Variants in EGFR observed in about 807,000 individuals in gnomAD.
The protein encoded by EGFR is avian erythroblastic leukemia viral (v-erb-b) oncogene homolog.
EGFR carries 58 observed loss-of-function variants against 143.0 expected under a neutral mutation model. That is an observed-to-expected ratio of 0.41 (90% CI 0.33 to 0.50). The LOEUF (loss-of-function observed/expected upper bound fraction) is 0.50, where lower values mean the gene tolerates loss of function less well. Among genes scored for constraint, EGFR ranks in the 20% least tolerant of loss-of-function variants. EGFR has a pLI of 0.39. For synonymous variants in EGFR, 613 were observed against 594.4 expected (o/e 1.03, Z -0.45); for missense variants, 1,307 against 1,579.0 (o/e 0.83, Z 2.92).
chr7:55,060,670 G>A (rs1403655377), intron 1 of EGFR, among the ~76,000 whole-genome samples: 1 of 152,280 alleles, frequency 6.6e-6, no homozygotes, highest in African/African-American at 2.4e-5. Flanking sequence ...AGCCATAGAT[G>A]GTTCTGGGCA....
intron 1 of EGFR, among the ~76,000 whole-genome samples, chr7:55,054,226 G>A (rs577305944): frequency 3.6e-4 from 55 of 152,314 alleles, no homozygotes; most frequent in Middle Eastern, 3.4e-3. Flanking sequence ...CTGATCTCCT[G>A]ACTGTCATGC....
chr7:55,090,632 G>A lies in EGFR; in HGVS notation c.89-51654G>A, dbSNP rs570319256. ...TTCACCTAATCTCTTAAAAAATACCGTACTAAACCCTGATTGAAAATCAGA... is the reference window on the plus strand; with the variant it reads ...TTCACCTAATCTCTTAAAAAATACCATACTAAACCCTGATTGAAAATCAGA... On this transcript the variant is annotated intron_variant, in intron 1 of 27. Coordinates refer to ENST00000275493, the MANE Select transcript of EGFR (RefSeq NM_005228.5). Among the ~76,000 whole-genome samples, 8 of 152,192 alleles carry A rather than the reference G, an allele frequency of 5.3e-5. No individual in the cohort carries two copies. The South Asian group carries it at 1.2e-3, about 24-fold the overall frequency.
intron 1 of EGFR, among the ~76,000 whole-genome samples, chr7:55,084,599 G>T (rs1050720020): frequency 3.3e-5 from 5 of 152,228 alleles, no homozygotes; most frequent in Admixed American, 1.3e-4. Flanking sequence ...AGCTGGACAA[G>T]CTTCTGTTGA....
At chr7:55,030,704 C>T (rs1583865268) in intron 1 of EGFR, among the ~76,000 whole-genome samples, 1 of 152,206 alleles carries the variant, frequency 6.6e-6, no homozygotes, top group African/African-American at 2.4e-5. Context: ...CACTTAACCT[C>T]TTTAGGGTGT....
intron 3 of EGFR, among the ~76,000 whole-genome samples, chr7:55,144,759 G>C (rs565721457): frequency 6.6e-5 from 10 of 152,250 alleles, no homozygotes; most frequent in South Asian, 4.2e-4. Flanking sequence ...CAGCCTGTGC[G>C]GGTGCCTGGA....
intron 20 of EGFR, among the ~76,000 whole-genome samples, chr7:55,184,908 T>C (rs967665766): frequency 1.3e-5 from 2 of 152,230 alleles, no homozygotes; most frequent in African/African-American, 4.8e-5. Flanking sequence ...ATTTTCTTTT[T>C]AAACGTTTGA....
chr7:55,141,849 GA>G (rs1327226561), intron 1 of EGFR, among the ~76,000 whole-genome samples: 3 of 152,146 alleles, frequency 2.0e-5, no homozygotes, highest in Non-Finnish European at 4.4e-5. Context: ...TTATATTCGT[GA>G]AATACCTTGT....
intron 1 of EGFR, among the ~76,000 whole-genome samples, chr7:55,058,200 C>G (rs1583931271): frequency 6.6e-6 from 1 of 152,118 alleles, no homozygotes; most frequent in African/African-American, 2.4e-5. Flanking sequence ...TCAAGACCAG[C>G]CTGGCCAAGA....
intron 1 of EGFR, among the ~76,000 whole-genome samples, chr7:55,088,054 A>AAC (rs3063038): frequency 0.024 from 3,582 of 150,728 alleles, 81 homozygotes; most frequent in South Asian, 0.072. Flanking sequence ...TCAGGGTATA[A>AAC]ACACACACAC....
chr7:55,141,691 T>C (rs1794467684), intron 1 of EGFR, among the ~76,000 whole-genome samples: 2 of 152,250 alleles, frequency 1.3e-5, no homozygotes, highest in Non-Finnish European at 2.9e-5. Flanking sequence ...ATTTACACTT[T>C]TGTCCCTGAT....
intron 1 of EGFR, among the ~76,000 whole-genome samples, chr7:55,120,591 C>T (rs1793141521): frequency 6.6e-6 from 1 of 152,136 alleles, no homozygotes; most frequent in Non-Finnish European, 1.5e-5. Context: ...ACATCTATCC[C>T]CCTTCCTAGA....
At chr7:55,190,586 A>G (rs1787347824) in intron 20 of EGFR, among the ~76,000 whole-genome samples, 1 of 152,028 alleles carries the variant, frequency 6.6e-6, no homozygotes, top group Non-Finnish European at 1.5e-5. Context: ...CAGTCACACT[A>G]CAGTGGGATC....
intron 1 of EGFR, among the ~76,000 whole-genome samples, chr7:55,101,979 C>A (rs78896722): frequency 0.039 from 5,939 of 152,198 alleles, 253 homozygotes; most frequent in East Asian, 0.19. Context: ...AACTCTGTAT[C>A]GAAGCTCGGC....
chr7:55,195,112 A>G (rs1787563717), intron 22 of EGFR, among the ~76,000 whole-genome samples: 1 of 152,224 alleles, frequency 6.6e-6, no homozygotes, highest in Admixed American at 6.5e-5. Context: ...TTCATCATAC[A>G]TGTTTAAAAA....
At chr7:55,094,700 T>C (rs1346958245) in intron 1 of EGFR, among the ~76,000 whole-genome samples, 4 of 152,208 alleles carry the variant, frequency 2.6e-5, no homozygotes, top group Non-Finnish European at 5.9e-5. Flanking sequence ...ACAGATCCAC[T>C]TTGAGAGAAG....
intron 1 of EGFR, among the ~76,000 whole-genome samples, chr7:55,028,025 T>TATATATATAC (rs869080650): frequency 8.9e-5 from 9 of 101,638 alleles, no homozygotes; most frequent in South Asian, 6.9e-4. Flanking sequence ...TATATATATA[T>TATATATATAC]ACACACACAC....
At chr7:55,167,941 G>A (rs527489362) in intron 15 of EGFR, among the ~76,000 whole-genome samples, 4 of 152,236 alleles carry the variant, frequency 2.6e-5, no homozygotes, top group African/African-American at 9.6e-5. Context: ...ATGTCTCAGC[G>A]TGAAAAACAA....
At chr7:55,181,210 C>T (rs895426545) in intron 19 of EGFR, 83 bp from the exon 20 acceptor site, 24 of 1,495,362 alleles carry the variant, frequency 1.6e-5, no homozygotes, top group East Asian at 2.3e-5. Flanking sequence ...CGCATTCATG[C>T]GTCTTCACCT....
chr7:55,201,169 C>T lies in EGFR; in HGVS notation c.2947-19C>T, dbSNP rs753178343. The T allele has an allele frequency of 1.2e-6, 2 of 1,614,134 alleles. No individual in the cohort carries two copies. Among genetic ancestry groups the T allele is most frequent in the Non-Finnish European group, 1.7e-6 (2 of 1,180,036 alleles). ...CATCTCTACGGGCCATTCTAATAGC[C>T]TCAAAATCTCTGCACCAGGGGGATG... On this transcript the variant is annotated intron_variant, in intron 24 of 27. Coordinates refer to ENST00000275493, the MANE Select transcript of EGFR (RefSeq NM_005228.5).
Sources: gnomAD v4.1 joint callset for allele counts (sites outside exome capture counted in the v4.1 genomes callset) on GRCh38, gnomAD v4.1.1 for gene constraint, MANE v1.5 for transcripts, NCBI Gene and HGNC (gene_info 2026-07-23, HGNC 2026-07-21) for gene names.